Variants in NXPE2 observed in about 807,000 individuals in gnomAD.
NXPE2 encodes NXPE family member 2.
NXPE2 carries 34 observed loss-of-function variants against 34.4 expected under a neutral mutation model. The ratio of observed to expected loss-of-function variants is 0.99; its 90% CI spans 0.75 to 1.31. The LOEUF is 1.31. Among genes scored for constraint, NXPE2 ranks in the 40% most tolerant of loss-of-function variants. The pLI, the probability that NXPE2 is intolerant of heterozygous loss-of-function variation, is 0.00. For missense variants in NXPE2, 649 were observed against 672.5 expected (o/e 0.97, Z 0.39); for synonymous variants, 235 against 231.3 (o/e 1.02, Z -0.15).
chr11:114,738,861 G>A, the NXPE2 span, among the ~76,000 whole-genome samples: 2 of 151,974 alleles, frequency 1.3e-5, no homozygotes, highest in African/African-American at 2.4e-5. Context: ...CCCTACACAT[G>A]CCCATTATGG....
the NXPE2 span, among the ~76,000 whole-genome samples, chr11:114,567,512 T>C: frequency 3.3e-5 from 5 of 152,156 alleles, no homozygotes; most frequent in Non-Finnish European, 4.4e-5. Context: ...CAAGTTTTTT[T>C]TGGACACCGT....
chr11:114,795,577 T>C, the NXPE2 span, among the ~76,000 whole-genome samples: 1 of 152,208 alleles, frequency 6.6e-6, no homozygotes, highest in Non-Finnish European at 1.5e-5. Flanking sequence ...TTTGGTATTC[T>C]GATAATAGCA....
the NXPE2 span, chr11:114,582,836 G>A: frequency 6.2e-7 from 1 of 1,614,174 alleles, no homozygotes; most frequent in South Asian, 1.1e-5. Flanking sequence ...TGGCGCTGGT[G>A]GTGGTGTTCA....
chr11:114,567,927 T>A, the NXPE2 span, among the ~76,000 whole-genome samples: 1 of 152,146 alleles, frequency 6.6e-6, no homozygotes, highest in African/African-American at 2.4e-5. Context: ...TCATTTTTAC[T>A]TTTTCCCTCT....
chr11:114,805,179 G>A, the NXPE2 span, among the ~76,000 whole-genome samples: 6 of 150,740 alleles, frequency 4.0e-5, no homozygotes, highest in Non-Finnish European at 7.4e-5. Context: ...TTACTTTTTG[G>A]GACCACAAGG....
the NXPE2 span, among the ~76,000 whole-genome samples, chr11:114,732,374 C>T: frequency 8.7e-4 from 132 of 152,306 alleles, no homozygotes; most frequent in Non-Finnish European, 1.4e-3. Flanking sequence ...TCTGCTGAGG[C>T]CACTTTTGCA....
the NXPE2 span, among the ~76,000 whole-genome samples, chr11:114,504,456 G>A: frequency 2.0e-5 from 3 of 152,086 alleles, no homozygotes; most frequent in African/African-American, 7.2e-5. Flanking sequence ...TGCCTCTATC[G>A]CTGTGGTGAA....
the NXPE2 span, among the ~76,000 whole-genome samples, chr11:114,539,587 C>T: frequency 6.6e-6 from 1 of 151,910 alleles, no homozygotes; most frequent in East Asian, 1.9e-4. Context: ...TTAATTCTCT[C>T]TCAAAAAAAA....
chr11:114,643,700 C>T, the NXPE2 span, among the ~76,000 whole-genome samples: 1 of 152,138 alleles, frequency 6.6e-6, no homozygotes, highest in African/African-American at 2.4e-5. Flanking sequence ...ATGATGCCTC[C>T]ACCTTTGTTC....
At chr11:114,470,260 GA>G in the NXPE2 span, among the ~76,000 whole-genome samples, 4 of 152,098 alleles carry the variant, frequency 2.6e-5, no homozygotes, top group Non-Finnish European at 5.9e-5. Flanking sequence ...AACATTTCAG[GA>G]AACTGCTAAA....
At chr11:114,643,111 G>GT in the NXPE2 span, among the ~76,000 whole-genome samples, 10 of 151,936 alleles carry the variant, frequency 6.6e-5, no homozygotes, top group Admixed American at 6.6e-4. Context: ...GGGGTTGTTT[G>GT]TTTTTTTCTT....
the NXPE2 span, among the ~76,000 whole-genome samples, chr11:114,664,904 C>T: frequency 2.0e-5 from 3 of 152,086 alleles, no homozygotes; most frequent in East Asian, 5.8e-4. Context: ...CAGCTGTTGG[C>T]TAATGTAAGT....
chr11:114,571,199 A>G, the NXPE2 span: 1 of 1,614,032 alleles, frequency 6.2e-7, no homozygotes, highest in Non-Finnish European at 8.5e-7. Context: ...GAAGATGCTG[A>G]ATGGCTTTGT....
chr11:114,529,980 G>A, the NXPE2 span: 1 of 551,202 alleles, frequency 1.8e-6, no homozygotes, highest in Admixed American at 3.5e-5. Context: ...CAAAACACAT[G>A]ACTGAATGGG....
At chr11:114,607,123 T>A in the NXPE2 span, among the ~76,000 whole-genome samples, 2 of 151,860 alleles carry the variant, frequency 1.3e-5, no homozygotes, top group Non-Finnish European at 2.9e-5. Flanking sequence ...ACCCGGTTTA[T>A]AATAAGTGTT....
At chr11:114,548,202 C>A in the NXPE2 span, among the ~76,000 whole-genome samples, 1 of 151,962 alleles carries the variant, frequency 6.6e-6, no homozygotes, top group Non-Finnish European at 1.5e-5. Flanking sequence ...ATAAGAGATT[C>A]AAGAATACTT....
the NXPE2 span, among the ~76,000 whole-genome samples, chr11:114,722,174 A>G: frequency 3.3e-5 from 5 of 152,148 alleles, 1 homozygote; most frequent in Non-Finnish European, 7.4e-5. Flanking sequence ...TGTAATCCCC[A>G]CATATCAAGG....
At chr11:114,511,877 G>C in the NXPE2 span, among the ~76,000 whole-genome samples, 23 of 151,294 alleles carry the variant, frequency 1.5e-4, no homozygotes, top group Non-Finnish European at 3.4e-4. Flanking sequence ...TTCCATGAGT[G>C]GAAGTTTCCT....
chr11:114,657,240 A>C, the NXPE2 span, among the ~76,000 whole-genome samples: 1 of 152,138 alleles, frequency 6.6e-6, no homozygotes, highest in African/African-American at 2.4e-5. Context: ...CTCTGATTGC[A>C]GTTGATGGTT....
Sources: gnomAD v4.1 joint callset for allele counts (sites outside exome capture counted in the v4.1 genomes callset) on GRCh38, gnomAD v4.1.1 for gene constraint, MANE v1.5 for transcripts, NCBI Gene and HGNC (gene_info 2026-07-23, HGNC 2026-07-21) for gene names.